Variants in NUBPL observed in about 807,000 individuals in gnomAD.
The protein encoded by NUBPL is NUBP iron-sulfur cluster assembly factor, mitochondrial.
NUBPL carries 31 observed loss-of-function variants against 45.7 expected under a neutral mutation model. That is an observed-to-expected ratio of 0.68 (90% confidence interval 0.51 to 0.92). The LOEUF is 0.92. Among genes scored for constraint, NUBPL ranks in the 40% least tolerant of loss-of-function variants. The probability of loss-of-function intolerance (pLI) is 0.00; values close to 1 mark genes in which losing one functional copy is unlikely to be tolerated. For missense variants in NUBPL, 401 were observed against 398.7 expected, an observed-to-expected ratio of 1.01 and a Z score of -0.05; for synonymous variants, 144 against 140.9, an observed-to-expected ratio of 1.02 and a Z score of -0.15.
chr14:31,718,612 A>C (rs2037739662), intron 6 of NUBPL, among the ~76,000 whole-genome samples: 1 of 152,158 alleles, frequency 6.6e-6, no homozygotes, highest in South Asian at 2.1e-4. Flanking sequence ...TAGTGAGGGG[A>C]GTTATTACAT....
chr14:31,724,386 C>A (rs538420531), intron 6 of NUBPL, among the ~76,000 whole-genome samples: 1 of 152,248 alleles, frequency 6.6e-6, no homozygotes, highest in East Asian at 1.9e-4. Flanking sequence ...TTCTCAAAGC[C>A]TTTTGAAGGC....
intron 7 of NUBPL, among the ~76,000 whole-genome samples, chr14:31,807,215 T>C (rs1006364749): frequency 6.6e-6 from 1 of 152,252 alleles, no homozygotes; most frequent in Non-Finnish European, 1.5e-5. Context: ...CCACAATGGT[T>C]GAACTAGTTT....
At chr14:31,652,894 C>T (rs563301736) in intron 4 of NUBPL, among the ~76,000 whole-genome samples, 13 of 152,044 alleles carry the variant, frequency 8.6e-5, no homozygotes, top group Middle Eastern at 3.4e-3. Flanking sequence ...ACGTGTCAGC[C>T]GGTCTGAGAA....
rs755777861 is a variant in NUBPL at position 31,599,297 on chromosome 14, C to T, written c.300C>T (p.Ala100=). 10 of 1,609,020 alleles carry T rather than the reference C, an allele frequency of 6.2e-6. No individual in the cohort carries two copies. The South Asian group carries it at 1.1e-4, about 18-fold the overall frequency. ...TATTTATTTTTTTACAGTCCAAGGC[C>T]ATTGGTTTGCTAGATGTGGATGTGT... ...LALAANDSSK[A]IGLLDVDVYG... is the part of the protein sequence containing the mutation. The change falls in exon 4 of 11, where the codon GCC becomes GCT. Residue 100 remains alanine (A), a synonymous_variant. Coordinates refer to ENST00000281081, the MANE Select transcript of NUBPL (RefSeq NM_025152.3).
At chr14:31,760,564 T>C (rs2038784884) in intron 6 of NUBPL, among the ~76,000 whole-genome samples, 1 of 152,170 alleles carries the variant, frequency 6.6e-6, no homozygotes, top group African/African-American at 2.4e-5. Flanking sequence ...AGTGAGATCA[T>C]GCAGTGTTTG....
chr14:31,640,499 C>A (rs752306969), intron 4 of NUBPL, among the ~76,000 whole-genome samples: 3 of 151,522 alleles, frequency 2.0e-5, no homozygotes, highest in Non-Finnish European at 4.4e-5. Flanking sequence ...CCTGTAATCC[C>A]AGCTACTCAG....
chr14:31,682,789 C>T (rs1034528094), intron 6 of NUBPL, among the ~76,000 whole-genome samples: 1 of 152,002 alleles, frequency 6.6e-6, no homozygotes, highest in Non-Finnish European at 1.5e-5. Context: ...GTGTCTCAGT[C>T]CATTTAGTGT....
At chr14:31,638,443 T>A (rs576992307) in intron 4 of NUBPL, among the ~76,000 whole-genome samples, 1 of 152,046 alleles carries the variant, frequency 6.6e-6, no homozygotes, top group South Asian at 2.1e-4. Flanking sequence ...TTGTAGAGTT[T>A]CTGCCGAGAG....
chr14:31,719,014 C>T (rs2037749579), intron 6 of NUBPL, among the ~76,000 whole-genome samples: 1 of 152,146 alleles, frequency 6.6e-6, no homozygotes, highest in Non-Finnish European at 1.5e-5. Context: ...GCATTTAATA[C>T]ACCTAACCTA....
intron 4 of NUBPL, among the ~76,000 whole-genome samples, chr14:31,665,191 A>G (rs560955786): frequency 6.6e-4 from 101 of 152,040 alleles, no homozygotes; most frequent in Non-Finnish European, 1.2e-3. Flanking sequence ...GGATTCATTG[A>G]TTTTTTGAAG....
chr14:31,577,438 G>A (rs765244234), intron 3 of NUBPL, among the ~76,000 whole-genome samples: 3 of 152,128 alleles, frequency 2.0e-5, no homozygotes, highest in Non-Finnish European at 4.4e-5. Flanking sequence ...TTTTGAGATG[G>A]AGTCTTACTC....
chr14:31,595,928 A>G (rs1003805079), intron 3 of NUBPL, among the ~76,000 whole-genome samples: 6 of 142,134 alleles, frequency 4.2e-5, no homozygotes, highest in Admixed American at 3.6e-4. Context: ...TTTTTTTAAG[A>G]CAGAGTCTCA....
At chr14:31,766,128 G>A (rs990536365) in intron 6 of NUBPL, among the ~76,000 whole-genome samples, 12 of 152,172 alleles carry the variant, frequency 7.9e-5, no homozygotes, top group Middle Eastern at 3.2e-3. Context: ...TTTTAAAGGA[G>A]TTTGGTTGTG....
intron 7 of NUBPL, among the ~76,000 whole-genome samples, chr14:31,819,226 T>G (rs1376456892): frequency 6.6e-6 from 1 of 152,208 alleles, no homozygotes; most frequent in African/African-American, 2.4e-5. Context: ...TTGGTATTGT[T>G]TTTGTTAAAC....
At chr14:31,609,089 A>G (rs112503735) in intron 4 of NUBPL, among the ~76,000 whole-genome samples, 1,625 of 152,300 alleles carry the variant, frequency 0.011, 24 homozygotes, top group African/African-American at 0.037. Flanking sequence ...TTTATTAGTA[A>G]TAACAATGGA....
intron 7 of NUBPL, among the ~76,000 whole-genome samples, chr14:31,793,216 A>G (rs1018028187): frequency 6.6e-6 from 1 of 151,980 alleles, no homozygotes; most frequent in Non-Finnish European, 1.5e-5. Context: ...ATCCCTCTAG[A>G]AAAAAACCCT....
At chr14:31,588,417 CT>C (rs11477663) in intron 3 of NUBPL, among the ~76,000 whole-genome samples, 144,985 of 150,376 alleles carry the variant, frequency 0.96, 69,798 homozygotes, top group East Asian at 1. Flanking sequence ...ATCTCTCTCT[CT>C]TTTTTTTTTG....
chr14:31,711,537 G>A (rs776283471), intron 6 of NUBPL, among the ~76,000 whole-genome samples: 4 of 151,992 alleles, frequency 2.6e-5, no homozygotes, highest in Admixed American at 6.5e-5. Context: ...CTTCGTGGTT[G>A]CAAAAATGTG....
chr14:31,598,934 A>T (rs886829051), intron 3 of NUBPL, among the ~76,000 whole-genome samples: 5 of 152,162 alleles, frequency 3.3e-5, no homozygotes, highest in African/African-American at 1.2e-4. Flanking sequence ...TCATTATTTT[A>T]AAATTGTTTA....
Sources: allele counts gnomAD v4.1 joint callset (sites outside exome capture counted in the v4.1 genomes callset), GRCh38; gene constraint gnomAD v4.1.1; transcripts MANE v1.5; gene names NCBI Gene and HGNC (gene_info 2026-07-23, HGNC 2026-07-21).